The following KHDRBS2 variants were observed in gnomAD, a reference collection of about 807,000 sequenced individuals.
KHDRBS2 encodes KH RNA binding domain containing, signal transduction associated 2.
In KHDRBS2, 26 loss-of-function variants were observed where a neutral mutation model predicts 44.3. That is an observed-to-expected ratio of 0.59 (90% CI 0.43 to 0.81). The LOEUF is 0.81. Among genes scored for constraint, KHDRBS2 ranks in the 40% least tolerant of loss-of-function variants. The pLI is 0.00. For synonymous variants in KHDRBS2, 194 were observed against 151.1 expected, an observed-to-expected ratio of 1.28 and a Z score of -2.08; for missense variants, 476 against 433.1, an observed-to-expected ratio of 1.10 and a Z score of -0.88.
At chr6:61,664,634 T>G in the KHDRBS2 span, among the ~76,000 whole-genome samples, 1 of 151,822 alleles carries the variant, frequency 6.6e-6, no homozygotes, top group South Asian at 2.1e-4. Flanking sequence ...AGATGCAAGT[T>G]TAAGAGATGT....
intron 4 of KHDRBS2, among the ~76,000 whole-genome samples, chr6:61,937,008 T>G (rs1380128234): frequency 6.6e-6 from 1 of 152,064 alleles, no homozygotes; most frequent in Non-Finnish European, 1.5e-5. Flanking sequence ...AAATATGTTT[T>G]CAAACAATAA....
chr6:61,668,704 T>C, the KHDRBS2 span, among the ~76,000 whole-genome samples: 1 of 151,218 alleles, frequency 6.6e-6, no homozygotes, highest in Non-Finnish European at 1.5e-5. Context: ...ATCCCAGCAC[T>C]TCTAATGGAT....
At chr6:61,718,788 T>C (rs776275632) in intron 7 of KHDRBS2, among the ~76,000 whole-genome samples, 28 of 152,138 alleles carry the variant, frequency 1.8e-4, no homozygotes, top group Non-Finnish European at 3.8e-4. Flanking sequence ...CCTCACCTTA[T>C]GGATACTATC....
intron 6 of KHDRBS2, among the ~76,000 whole-genome samples, chr6:61,769,781 G>C (rs964373133): frequency 6.6e-6 from 1 of 152,242 alleles, no homozygotes; most frequent in Admixed American, 6.5e-5. Flanking sequence ...CAAACAAAAA[G>C]ACAGCAGTAA....
chr6:61,817,302 C>A (rs1161902248), intron 6 of KHDRBS2, among the ~76,000 whole-genome samples: 2 of 151,970 alleles, frequency 1.3e-5, no homozygotes, highest in Non-Finnish European at 2.9e-5. Context: ...CGTAGGAGCC[C>A]AGAACTATCC....
At chr6:62,120,246 G>GA (rs1361700601) in intron 2 of KHDRBS2, among the ~76,000 whole-genome samples, 1 of 152,142 alleles carries the variant, frequency 6.6e-6, no homozygotes, top group East Asian at 1.9e-4. Flanking sequence ...TAATGTAGAG[G>GA]AAGAGATCCA....
At chr6:62,083,061 AAAGT>A (rs1188453916) in intron 2 of KHDRBS2, among the ~76,000 whole-genome samples, 3 of 152,172 alleles carry the variant, frequency 2.0e-5, no homozygotes, top group Non-Finnish European at 4.4e-5. Context: ...CCTGTGGCCT[AAAGT>A]AAGAACATGC....
At chr6:61,714,033 A>G (rs1431825970) in intron 7 of KHDRBS2, among the ~76,000 whole-genome samples, 2 of 151,958 alleles carry the variant, frequency 1.3e-5, no homozygotes, top group East Asian at 3.9e-4. Context: ...CAAAAACAGA[A>G]ATAGACAAAC....
At chr6:61,803,015 A>T (rs1416517781) in intron 6 of KHDRBS2, among the ~76,000 whole-genome samples, 2 of 152,200 alleles carry the variant, frequency 1.3e-5, no homozygotes, top group African/African-American at 4.8e-5. Flanking sequence ...CAGGAAAATA[A>T]GGAAGGTTTA....
At chr6:62,219,342 A>G (rs1830509640) in intron 1 of KHDRBS2, among the ~76,000 whole-genome samples, 1 of 151,846 alleles carries the variant, frequency 6.6e-6, no homozygotes, top group Non-Finnish European at 1.5e-5. Flanking sequence ...TGCCAGAAGA[A>G]CAGAACAGAG....
intron 2 of KHDRBS2, among the ~76,000 whole-genome samples, chr6:62,048,467 T>A (rs1476903404): frequency 6.6e-6 from 1 of 151,920 alleles, no homozygotes; most frequent in Non-Finnish European, 1.5e-5. Flanking sequence ...AAATAAAATT[T>A]GATATTCAAG....
intron 1 of KHDRBS2, among the ~76,000 whole-genome samples, chr6:62,254,391 A>G (rs565930555): frequency 1.3e-5 from 2 of 152,186 alleles, no homozygotes; most frequent in South Asian, 2.1e-4. Context: ...ATAATTTAAG[A>G]CATTTAAGTT....
rs552131402 is a variant in KHDRBS2 at position 62,099,005 on chromosome 6, T to C, written c.220-51011A>G. On this transcript the variant is annotated intron_variant, in intron 2 of 8. Coordinates refer to ENST00000281156, the MANE Select transcript of KHDRBS2 (RefSeq NM_152688.4). ...GATTTTTAAAAAAATTATTTTAAAC[T>C]CTTTGTTCAGGTTTTTCTGACAAAT... Among the ~76,000 whole-genome samples the C allele has an allele frequency of 2.0e-5, 3 of 152,352 alleles. No individual in the cohort carries two copies. In the South Asian group the frequency reaches 6.2e-4, roughly 32 times the overall value.
At chr6:61,813,363 T>C (rs1279102137) in intron 6 of KHDRBS2, among the ~76,000 whole-genome samples, 4 of 152,130 alleles carry the variant, frequency 2.6e-5, no homozygotes, top group East Asian at 1.9e-4. Flanking sequence ...AACCCAACTA[T>C]ATAGTTTGTT....
At chr6:61,663,871 T>C in the KHDRBS2 span, among the ~76,000 whole-genome samples, 2 of 151,660 alleles carry the variant, frequency 1.3e-5, no homozygotes, top group African/African-American at 2.4e-5. Context: ...TCTTATAGTA[T>C]CTCACATTAT....
chr6:62,021,618 G>C (rs565491754), intron 3 of KHDRBS2, among the ~76,000 whole-genome samples: 1 of 151,286 alleles, frequency 6.6e-6, no homozygotes, highest in African/African-American at 2.4e-5. Flanking sequence ...TGAAACCCAG[G>C]GACCAAGGTT....
chr6:62,232,119 T>G (rs1832989341), intron 1 of KHDRBS2, among the ~76,000 whole-genome samples: 1 of 152,146 alleles, frequency 6.6e-6, no homozygotes. Flanking sequence ...ATAATATTCT[T>G]AAAAAGGAGA....
At chr6:61,557,305 G>A in the KHDRBS2 span, among the ~76,000 whole-genome samples, 2 of 152,244 alleles carry the variant, frequency 1.3e-5, no homozygotes, top group Admixed American at 6.5e-5. Context: ...ATAGCATAAA[G>A]TTCCCATCCA....
intron 3 of KHDRBS2, among the ~76,000 whole-genome samples, chr6:61,992,730 T>A (rs1156356507): frequency 6.6e-6 from 1 of 152,220 alleles, no homozygotes; most frequent in Non-Finnish European, 1.5e-5. Flanking sequence ...CACATTTGTA[T>A]TAATCATTTT....
Sources: gnomAD v4.1 joint callset for allele counts (sites outside exome capture counted in the v4.1 genomes callset) on GRCh38, gnomAD v4.1.1 for gene constraint, MANE v1.5 for transcripts, NCBI Gene and HGNC (gene_info 2026-07-23, HGNC 2026-07-21) for gene names.